The following NAF1 variants were observed in gnomAD, a reference collection of about 807,000 sequenced individuals.
NAF1 encodes H/ACA ribonucleoprotein complex non-core subunit NAF1.
NAF1 carries 11 observed loss-of-function variants against 40.6 expected under a neutral mutation model. The observed-to-expected ratio is 0.27, with a 90% CI of 0.17 to 0.45. The LOEUF is 0.45. Ranked by LOEUF, NAF1 falls within the 20% of genes least tolerant of loss-of-function variation. The probability of loss-of-function intolerance (pLI) is 1.00; values close to 1 mark genes in which losing one functional copy is unlikely to be tolerated. For missense variants in NAF1, 607 were observed against 611.1 expected, an observed-to-expected ratio of 0.99 and a Z score of 0.07; for synonymous variants, 260 against 228.5, an observed-to-expected ratio of 1.14 and a Z score of -1.24.
At chr4:163,162,270 C>G (rs1279438737) in intron 2 of NAF1, among the ~76,000 whole-genome samples, 1 of 152,172 alleles carries the variant, frequency 6.6e-6, no homozygotes, top group African/African-American at 2.4e-5. Context: ...CATTCTTTTC[C>G]CCCAAACTTA....
chr4:163,148,301 T>G (rs1192784235), intron 3 of NAF1, 40 bp downstream of exon 3: 2 of 1,265,476 alleles, frequency 1.6e-6, no homozygotes, highest in East Asian at 4.9e-5. Context: ...TATTAGTGTG[T>G]GTTTGGAAAC....
chr4:163,107,175 C>T (rs974213375), downstream of NAF1, among the ~76,000 whole-genome samples: 2 of 152,134 alleles, frequency 1.3e-5, no homozygotes, highest in Non-Finnish European at 1.5e-5. Flanking sequence ...TTAGTACAGG[C>T]GGGGTTTCAC....
chr4:163,151,854 G>T (rs1046319639), intron 2 of NAF1, among the ~76,000 whole-genome samples: 1 of 151,866 alleles, frequency 6.6e-6, no homozygotes, highest in East Asian at 1.9e-4. Flanking sequence ...CTTATTCCAA[G>T]CTATTTTATA....
At chr4:163,166,073 G>C (rs1432683097) in intron 1 of NAF1, among the ~76,000 whole-genome samples, 4 of 152,030 alleles carry the variant, frequency 2.6e-5, no homozygotes, top group Non-Finnish European at 5.9e-5. Flanking sequence ...AAGATCCTCG[G>C]GTTTTCTAAA....
chr4:163,134,454 A>G (rs1050024959), intron 6 of NAF1, among the ~76,000 whole-genome samples: 1 of 152,168 alleles, frequency 6.6e-6, no homozygotes, highest in African/African-American at 2.4e-5. Flanking sequence ...ATAATTTCTT[A>G]TTACTGATCT....
At chr4:163,114,124 T>C (rs1313774750) in intron 2 of NAF1, among the ~76,000 whole-genome samples, 2 of 152,188 alleles carry the variant, frequency 1.3e-5, no homozygotes, top group Non-Finnish European at 2.9e-5. Context: ...ATCACTAATA[T>C]GACAGTTGTG....
chr4:163,126,661 G>T (rs1220182285), downstream of NAF1: 2 of 176,730 alleles, frequency 1.1e-5, no homozygotes, highest in Non-Finnish European at 2.4e-5. Flanking sequence ...CAGTGGCAGG[G>T]TTTGAGAGGA....
chr4:163,144,113 T>C (rs1435448810), intron 4 of NAF1: 27 of 639,550 alleles, frequency 4.2e-5, no homozygotes, highest in Non-Finnish European at 4.9e-5. Context: ...AAAAATTTCC[T>C]ACCCACTGAT....
intron 2 of NAF1, among the ~76,000 whole-genome samples, chr4:163,151,394 G>A (rs1353000679): frequency 6.7e-6 from 1 of 149,812 alleles, no homozygotes; most frequent in Non-Finnish European, 1.5e-5. Flanking sequence ...TGTGTATTTG[G>A]TCCATTCACA....
intron 2 of NAF1, among the ~76,000 whole-genome samples, chr4:163,149,754 A>T (rs1731620511): frequency 6.6e-6 from 1 of 152,178 alleles, no homozygotes; most frequent in East Asian, 1.9e-4. Flanking sequence ...GTGTATCAGA[A>T]TGCAGAAGGG....
downstream of NAF1, among the ~76,000 whole-genome samples, chr4:163,107,449 G>A (rs1473732075): frequency 2.6e-5 from 4 of 152,194 alleles, no homozygotes; most frequent in East Asian, 7.7e-4. Context: ...TGCTCTCGCT[G>A]TGCAATTTTC....
Position 163,128,847 on chromosome 4 carries a change from C to A in NAF1, c.*50G>T. On this transcript the variant is annotated 3_prime_UTR_variant, in exon 8 of 8. Transcript: ENST00000274054. ...TAATCACTCTTGAAAAAAAAAAATC[C>A]TTACCACATAATATGAAAAGTCCAC... 1 of 1,440,316 alleles carries A rather than the reference C, an allele frequency of 6.9e-7. No homozygotes were observed. The highest frequency in any genetic ancestry group is 9.2e-7 in the Non-Finnish European group (1 of 1,089,334). The allele number at this position is 1,440,316 out of a possible 1,614,324, so 89.2% of individuals were successfully genotyped here.
rs373371031 is a variant in NAF1 at position 163,111,833 on chromosome 4, TAA to T, written c.115-1545_115-1544del. ...GCCGTGAACTAGGAGGAGAAAAAAGTAAAAGAGTTTGATGTCCTGGAAGCCAA... is the reference window on the plus strand; with the variant it reads ...GCCGTGAACTAGGAGGAGAAAAAAGTAAGAGTTTGATGTCCTGGAAGCCAA... On this transcript the variant is annotated intron_variant, in intron 2 of 2. Coordinates refer to the NAF1 transcript ENST00000509434. Among the ~76,000 whole-genome samples the T allele has an allele frequency of 1.0e-3, 153 of 152,260 alleles. 1 individual carries two copies. The South Asian group carries it at 0.028, about 28-fold the overall frequency.
chr4:163,141,909 A>C, intron 4 of NAF1: 1 of 974,020 alleles, frequency 1.0e-6, no homozygotes, highest in Non-Finnish European at 1.2e-6. Context: ...ATTAATTTTC[A>C]TTAAGGCGTA....
chr4:163,118,096 C>A (rs1730405836), intron 2 of NAF1, among the ~76,000 whole-genome samples: 1 of 151,904 alleles, frequency 6.6e-6, no homozygotes, highest in South Asian at 2.1e-4. Flanking sequence ...GTTTATGATA[C>A]CTTGTGAAAT....
Position 163,166,531 on chromosome 4 carries a change from G to C in NAF1, c.197C>G (p.Pro66Arg). The change falls in exon 1 of 8, where the codon CCT becomes CGT. Residue 66 changes from proline to arginine, a missense_variant. Physicochemically the swap from Pro to Arg is moderately radical, Grantham distance 103. Coordinates refer to ENST00000274054, the MANE Select transcript of NAF1 (RefSeq NM_138386.3). ...GACGGCGTTCAGAACGGGCTGCAGAGGCTGCTCCCCGGCAGGCTTAACCTC... is the reference window on the plus strand; with the variant it reads ...GACGGCGTTCAGAACGGGCTGCAGACGCTGCTCCCCGGCAGGCTTAACCTC... ...TVEVKPAGEQ[P>R]LQPVLNAVAA... The C allele has an allele frequency of 1.3e-6, 2 of 1,594,876 alleles. No homozygotes were observed. Among genetic ancestry groups the C allele is most frequent in the Non-Finnish European group, 1.7e-6 (2 of 1,170,996 alleles).
intron 2 of NAF1, among the ~76,000 whole-genome samples, chr4:163,151,347 G>A (rs908511927): frequency 2.0e-5 from 3 of 147,752 alleles, no homozygotes; most frequent in African/African-American, 7.5e-5. Context: ...ATTCACTATT[G>A]TTTTCTTTAT....
chr4:163,134,757 T>C (rs1037122184), intron 6 of NAF1, among the ~76,000 whole-genome samples: 1 of 151,982 alleles, frequency 6.6e-6, no homozygotes, highest in Admixed American at 6.6e-5. Context: ...GAACAGTATA[T>C]ACAAAAAAGA....
intron 4 of NAF1, among the ~76,000 whole-genome samples, chr4:163,141,128 G>A (rs1731243496): frequency 6.6e-6 from 1 of 152,180 alleles, no homozygotes; most frequent in Admixed American, 6.5e-5. Context: ...CACTTTAGGA[G>A]GTGAGGCGGG....
Sources: gnomAD v4.1 joint callset for allele counts (sites outside exome capture counted in the v4.1 genomes callset) on GRCh38, gnomAD v4.1.1 for gene constraint, MANE v1.5 for transcripts, NCBI Gene and HGNC (gene_info 2026-07-23, HGNC 2026-07-21) for gene names.